MGAT4C: variants seen among roughly 807,000 people sequenced by gnomAD.
The protein encoded by MGAT4C is alpha-1,3-mannosyl-glycoprotein 4-beta-N-acetylglucosaminyltransferase C.
MGAT4C carries 19 observed loss-of-function variants against 40.1 expected under a neutral mutation model. The observed-to-expected ratio is 0.47, with a 90% CI of 0.33 to 0.70. MGAT4C has a LOEUF of 0.70. Ranked by LOEUF, MGAT4C falls within the 30% of genes least tolerant of loss-of-function variation. The pLI is 0.02. For synonymous variants in MGAT4C, 181 were observed against 187.1 expected, an observed-to-expected ratio of 0.97 and a Z score of 0.27; for missense variants, 491 against 563.2, an observed-to-expected ratio of 0.87 and a Z score of 1.30.
In MGAT4C at chr12:86,670,921, C is replaced by T. The variant is rs141705795; in HGVS notation, c.-229+56288G>A. On this transcript the variant is annotated intron_variant, in intron 2 of 7. Transcript: ENST00000548651. Reference sequence around the variant, plus strand: ...GATTATTTTCGCATCACTCTATCAACGAATGAAACAAAAGACTTCATTCTA... The same window carrying T: ...GATTATTTTCGCATCACTCTATCAATGAATGAAACAAAAGACTTCATTCTA... Among the ~76,000 whole-genome samples, 218 of 152,274 alleles carry T rather than the reference C, an allele frequency of 1.4e-3. 1 individual carries two copies. The highest frequency in any genetic ancestry group is 0.01 in the East Asian group (53 of 5,184).
rs757238970 is a variant in MGAT4C at position 85,983,538 on chromosome 12, G to T, written c.280C>A (p.Pro94Thr). 1 of 1,575,168 alleles carries T rather than the reference G, an allele frequency of 6.3e-7. No individual in the cohort carries two copies. Among genetic ancestry groups the T allele is most frequent in the Non-Finnish European group, 8.6e-7 (1 of 1,165,138 alleles). Residue 94 changes from proline to threonine, a missense_variant, in exon 4 of 5, where the codon CCT becomes ACT. Pro to Thr is a conservative substitution (Grantham distance 38). Coordinates refer to ENST00000611864, the MANE Select transcript of MGAT4C (RefSeq NM_001351288.2). ...GGATACTTACGCTTTCTTTGTAAAGGTGTGGCAGCTAGGTAGCGATAGGTG... is the reference window on the plus strand; with the variant it reads ...GGATACTTACGCTTTCTTTGTAAAGTTGTGGCAGCTAGGTAGCGATAGGTG... ...NVTYRYLAAT[P>T]LQRKRYLTIG...
At chr12:86,372,610 T>C (rs1362090085) in intron 3 of MGAT4C, among the ~76,000 whole-genome samples, 1 of 151,934 alleles carries the variant, frequency 6.6e-6, no homozygotes, top group Non-Finnish European at 1.5e-5. Context: ...AAGTATTATA[T>C]ATTCAGAACC....
rs1311796743 is a variant in MGAT4C, at chr12:85,957,210, G to GA, written c.*22078dup. 1 of 152,150 alleles carries GA rather than the reference G, an allele frequency of 6.6e-6. No individual in the cohort carries two copies. Among genetic ancestry groups the GA allele is most frequent in the Non-Finnish European group, 1.5e-5 (1 of 68,024 alleles). 9.4% of individuals were successfully genotyped at this position (152,150 alleles called of 1,614,324 possible). ...CCTGGGCTAAAAGCAGGAAGTTGAG[G>GA]AAAGTTTATGTTTAATTTTTATTTT... On this transcript the variant is annotated 3_prime_UTR_variant, in exon 5 of 5. Coordinates refer to ENST00000611864, the MANE Select transcript of MGAT4C (RefSeq NM_001351288.2).
chr12:86,022,150 T>C (rs972672043), intron 2 of MGAT4C, among the ~76,000 whole-genome samples: 1 of 152,260 alleles, frequency 6.6e-6, no homozygotes, highest in Non-Finnish European at 1.5e-5. Context: ...ATACCTGTGC[T>C]ATGCACAATG....
chr12:86,616,728 TC>T (rs1962461835), intron 2 of MGAT4C, among the ~76,000 whole-genome samples: 1 of 151,914 alleles, frequency 6.6e-6, no homozygotes, highest in South Asian at 2.1e-4. Flanking sequence ...TTCTCCAAGT[TC>T]AACGAAAACA....
At chr12:86,486,380 AC>A (rs1958019884) in intron 2 of MGAT4C, among the ~76,000 whole-genome samples, 2 of 36,570 alleles carry the variant, frequency 5.5e-5, no homozygotes, top group East Asian at 1.0e-3. Context: ...TATCATGCAC[AC>A]ACACACACAC....
rs140737957 is a variant in MGAT4C, at chr12:86,444,504, T to C, written c.-228-9239A>G. ...ACTGTGCTTTAAATATGATTCTCCA[T>C]CTGCATACTGATCTCAATTCCTGGC... On this transcript the variant is annotated intron_variant, in intron 2 of 7. Transcript: ENST00000548651. 1.3e-4 allele frequency among the ~76,000 whole-genome samples: 20 copies of C among 152,328 alleles called. No homozygotes were observed. The East Asian group carries it at 2.9e-3, about 22-fold the overall frequency.
intron 2 of MGAT4C, among the ~76,000 whole-genome samples, chr12:86,586,728 GT>G (rs1961058141): frequency 6.7e-6 from 1 of 150,226 alleles, no homozygotes; most frequent in African/African-American, 2.4e-5. Context: ...TTCATGTGTT[GT>G]TTGGCTGCAT....
intron 2 of MGAT4C, among the ~76,000 whole-genome samples, chr12:86,038,568 T>TTTA: frequency 1.1e-5 from 1 of 93,868 alleles, no homozygotes; most frequent in African/African-American, 4.8e-5. Flanking sequence ...TTATTTATTT[T>TTTA]TTTGCTTTCC....
intron 2 of MGAT4C, among the ~76,000 whole-genome samples, chr12:86,603,757 A>G (rs1393665174): frequency 1.6e-5 from 2 of 127,746 alleles, no homozygotes; most frequent in African/African-American, 2.9e-5. Flanking sequence ...ATTATATATA[A>G]TATATAGTAT....
chr12:85,992,509 G>T (rs1160740756), intron 2 of MGAT4C, among the ~76,000 whole-genome samples: 3 of 152,128 alleles, frequency 2.0e-5, no homozygotes, highest in Non-Finnish European at 4.4e-5. Context: ...GGCTGTCAAG[G>T]TTCCCATCTC....
intron 3 of MGAT4C, among the ~76,000 whole-genome samples, chr12:86,408,670 A>G (rs1257298777): frequency 6.6e-6 from 1 of 151,540 alleles, no homozygotes; most frequent in Non-Finnish European, 1.5e-5. Context: ...AATTTTTGGT[A>G]GGAAGGGACA....
chr12:86,565,714 T>C (rs1960061460), intron 2 of MGAT4C, among the ~76,000 whole-genome samples: 10 of 152,190 alleles, frequency 6.6e-5, no homozygotes, highest in Admixed American at 6.5e-4. Flanking sequence ...GGTCAAAAAC[T>C]GTGAAGACAT....
chr12:86,490,692 G>T (rs531553936), intron 2 of MGAT4C, among the ~76,000 whole-genome samples: 2 of 152,004 alleles, frequency 1.3e-5, no homozygotes, highest in South Asian at 4.2e-4. Flanking sequence ...ACACACATAG[G>T]CTCAAAATAA....
intron 2 of MGAT4C, among the ~76,000 whole-genome samples, chr12:86,675,336 A>T (rs1423471154): frequency 1.3e-5 from 2 of 152,066 alleles, no homozygotes; most frequent in Non-Finnish European, 2.9e-5. Context: ...TATCGTGATG[A>T]CTCCCAGCCT....
chr12:86,084,532 C>T (rs1217260733), intron 1 of MGAT4C, among the ~76,000 whole-genome samples: 1 of 151,728 alleles, frequency 6.6e-6, no homozygotes, highest in Non-Finnish European at 1.5e-5. Context: ...CTATTTGCAA[C>T]TGTTTTTTTA....
At chr12:86,292,825 A>T (rs1184059782) in intron 4 of MGAT4C, among the ~76,000 whole-genome samples, 2 of 151,354 alleles carry the variant, frequency 1.3e-5, no homozygotes, top group African/African-American at 2.4e-5. Flanking sequence ...ACAGAAAGGT[A>T]AAAGAAATGA....
At chr12:86,114,634 AATTT>A (rs1389627224) in intron 1 of MGAT4C, among the ~76,000 whole-genome samples, 2 of 151,864 alleles carry the variant, frequency 1.3e-5, no homozygotes, top group African/African-American at 4.8e-5. Context: ...AACCCATGCT[AATTT>A]ATTTTACTCG....
chr12:86,165,441 G>A (rs1158749806), intron 1 of MGAT4C, among the ~76,000 whole-genome samples: 4 of 151,972 alleles, frequency 2.6e-5, no homozygotes, highest in Non-Finnish European at 5.9e-5. Context: ...ATATTCTTAT[G>A]AATATCAAAG....
Sources: allele counts gnomAD v4.1 joint callset (sites outside exome capture counted in the v4.1 genomes callset), GRCh38; gene constraint gnomAD v4.1.1; transcripts MANE v1.5; gene names NCBI Gene and HGNC (gene_info 2026-07-23, HGNC 2026-07-21).